Variants in NEXMIF observed in about 807,000 individuals in gnomAD.
NEXMIF encodes XLMR protein related to neurite extension.
In NEXMIF, 8 loss-of-function variants were observed where a neutral mutation model predicts 62.1. The ratio of observed to expected loss-of-function variants is 0.13; its 90% CI spans 0.08 to 0.23. The LOEUF is 0.23. NEXMIF is among the 10% of genes least tolerant of loss of function. NEXMIF has a pLI of 1.00. For synonymous variants in NEXMIF, 404 were observed against 416.6 expected, an observed-to-expected ratio of 0.97 and a Z score of 0.37; for missense variants, 976 against 1,113.3, an observed-to-expected ratio of 0.88 and a Z score of 1.75.
intron 1 of NEXMIF, among the ~76,000 whole-genome samples, chrX:74,886,475 A>C (rs1484007385): frequency 1.8e-5 from 2 of 112,006 alleles, no homozygotes; most frequent in Non-Finnish European, 3.8e-5. Flanking sequence ...ATCAATGTAC[A>C]AAAATCACAA....
At chrX:74,837,904 C>T (rs887704809) in intron 1 of NEXMIF, among the ~76,000 whole-genome samples, 2 of 111,962 alleles carry the variant, frequency 1.8e-5, no homozygotes, top group East Asian at 2.8e-4. Flanking sequence ...CTTATTTAAA[C>T]GGCATAGCAG....
At chrX:74,854,100 C>T (rs2080525443) in intron 1 of NEXMIF, among the ~76,000 whole-genome samples, 1 of 111,444 alleles carries the variant, frequency 9.0e-6, no homozygotes, top group African/African-American at 3.3e-5. Context: ...GCCCTAATAC[C>T]AAAACTAGAC....
chrX:74,749,110 T>C, intron 1 of NEXMIF, among the ~76,000 whole-genome samples: 1 of 111,294 alleles, frequency 9.0e-6, no homozygotes, highest in Non-Finnish European at 1.9e-5. Flanking sequence ...ATTGTAAGTA[T>C]AATACACTGA....
At chrX:74,894,137 CAA>C (rs66473731) in intron 1 of NEXMIF, among the ~76,000 whole-genome samples, 270 of 100,263 alleles carry the variant, frequency 2.7e-3, no homozygotes, top group Non-Finnish European at 4.9e-3. Context: ...ACTAAAAGTA[CAA>C]AAAAAAAAAT....
intron 1 of NEXMIF, among the ~76,000 whole-genome samples, chrX:74,880,382 T>C (rs1447298464): frequency 5.4e-5 from 6 of 111,659 alleles, no homozygotes; most frequent in Admixed American, 1.9e-4. Flanking sequence ...TTCATGATGA[T>C]GGCCTAAGAG....
intron 1 of NEXMIF, among the ~76,000 whole-genome samples, chrX:74,920,510 T>C (rs2080823175): frequency 9.0e-6 from 1 of 111,272 alleles, no homozygotes; most frequent in South Asian, 3.8e-4. Context: ...GAGTTCATTG[T>C]AGATTCTGGA....
At chrX:74,805,410 C>T (rs986198232) in intron 1 of NEXMIF, among the ~76,000 whole-genome samples, 16 of 111,960 alleles carry the variant, frequency 1.4e-4, no homozygotes, top group African/African-American at 4.5e-4. Flanking sequence ...CTGAATTAGA[C>T]CTTTGTGAGA....
intron 1 of NEXMIF, among the ~76,000 whole-genome samples, chrX:74,844,186 C>A (rs749582650): frequency 1.1e-4 from 12 of 111,115 alleles, no homozygotes; most frequent in Non-Finnish European, 2.1e-4. Flanking sequence ...GGTGACCTGC[C>A]CATTCTCTCT....
intron 1 of NEXMIF, among the ~76,000 whole-genome samples, chrX:74,857,051 G>C (rs1459682791): frequency 1.8e-5 from 2 of 112,410 alleles, no homozygotes; most frequent in East Asian, 5.6e-4. Flanking sequence ...ATCTGCTAAA[G>C]TGCTCTGGGC....
chrX:74,816,683 C>G (rs1165199035), intron 1 of NEXMIF, among the ~76,000 whole-genome samples: 3 of 111,707 alleles, frequency 2.7e-5, no homozygotes, highest in Admixed American at 9.6e-5. Flanking sequence ...GCATGACTTC[C>G]TTTAAAATCT....
chrX:74,909,911 G>A (rs1383754288), intron 1 of NEXMIF, among the ~76,000 whole-genome samples: 1 of 112,346 alleles, frequency 8.9e-6, no homozygotes, highest in African/African-American at 3.2e-5. Flanking sequence ...TTGAGCCTGT[G>A]GGTGCACAGG....
intron 1 of NEXMIF, among the ~76,000 whole-genome samples, chrX:74,799,451 TA>T (rs924655471): frequency 3.6e-5 from 4 of 111,095 alleles, no homozygotes; most frequent in Admixed American, 2.9e-4. Flanking sequence ...AATTAAAAAT[TA>T]AAAAAAAGTT....
Position 74,873,292 on chromosome X carries a change from C to A in NEXMIF, c.-48+51591G>T, listed in dbSNP as rs746334004. On this transcript the variant is annotated intron_variant, in intron 1 of 3. Coordinates refer to ENST00000055682, the MANE Select transcript of NEXMIF (RefSeq NM_001008537.3). ...TACTGAGAATGATGATTTCCACATT[C>A]GTCCATGTCCCTACAAAGGACATGA... Among the ~76,000 whole-genome samples the A allele has an allele frequency of 3.0e-4, 34 of 111,620 alleles. No homozygotes were observed. The East Asian group carries it at 9.6e-3, about 31-fold the overall frequency.
At chrX:74,864,477 A>C (rs924596438) in intron 1 of NEXMIF, among the ~76,000 whole-genome samples, 15 of 111,655 alleles carry the variant, frequency 1.3e-4, no homozygotes, top group African/African-American at 4.6e-4. Context: ...AAGTAATTGA[A>C]TCATGGGGGC....
intron 1 of NEXMIF, among the ~76,000 whole-genome samples, chrX:74,857,664 G>T (rs1231280746): frequency 9.0e-6 from 1 of 111,711 alleles, no homozygotes; most frequent in Non-Finnish European, 1.9e-5. Context: ...TGCACTTTAG[G>T]TACCAACTCA....
chrX:74,883,348 G>A (rs1055174346), intron 1 of NEXMIF, among the ~76,000 whole-genome samples: 5 of 111,164 alleles, frequency 4.5e-5, no homozygotes, highest in South Asian at 3.8e-4. Flanking sequence ...AAACTACTCC[G>A]AGCTAAAGAA....
intron 1 of NEXMIF, among the ~76,000 whole-genome samples, chrX:74,840,142 G>A (rs1450893286): frequency 1.8e-5 from 2 of 111,875 alleles, no homozygotes; most frequent in Non-Finnish European, 3.8e-5. Flanking sequence ...TTGTGGTTTT[G>A]ATTTGCATAT....
intron 1 of NEXMIF, among the ~76,000 whole-genome samples, chrX:74,895,110 C>T (rs754129904): frequency 6.3e-4 from 71 of 112,249 alleles, no homozygotes; most frequent in Non-Finnish European, 1.2e-3. Flanking sequence ...TAAACAAATT[C>T]GGTGATGTTT....
At chrX:74,877,282 T>C (rs2080639830) in intron 1 of NEXMIF, among the ~76,000 whole-genome samples, 1 of 111,490 alleles carries the variant, frequency 9.0e-6, no homozygotes, top group South Asian at 3.8e-4. Flanking sequence ...AAATTCTGGG[T>C]TGAAAATTCT....
Sources: gnomAD v4.1 joint callset for allele counts (sites outside exome capture counted in the v4.1 genomes callset) on GRCh38, gnomAD v4.1.1 for gene constraint, MANE v1.5 for transcripts, NCBI Gene and HGNC (gene_info 2026-07-23, HGNC 2026-07-21) for gene names.